DAB1: variants seen among roughly 807,000 people sequenced by gnomAD.
DAB1 encodes the protein DAB adaptor protein 1.
Under a neutral mutation model 64.6 loss-of-function variants are expected in DAB1, and 15 were observed. That is an observed-to-expected ratio of 0.23 (90% CI 0.16 to 0.36). DAB1 has a LOEUF of 0.36. Among genes scored for constraint, DAB1 ranks in the 10% least tolerant of loss-of-function variants. DAB1 has a pLI of 1.00. For synonymous variants in DAB1, 235 were observed against 251.9 expected (o/e 0.93, Z 0.64); for missense variants, 596 against 706.7 (o/e 0.84, Z 1.78).
At chr1:58,112,550 T>C (rs1173867126) in intron 5 of DAB1, among the ~76,000 whole-genome samples, 3 of 152,148 alleles carry the variant, frequency 2.0e-5, no homozygotes, top group African/African-American at 4.8e-5. Flanking sequence ...ACCTCAAAGA[T>C]GCATATCAAA....
intron 3 of DAB1, among the ~76,000 whole-genome samples, chr1:57,138,317 G>A (rs780736084): frequency 3.0e-4 from 46 of 152,204 alleles, no homozygotes; most frequent in Non-Finnish European, 4.4e-4. Context: ...GTAGTAGACC[G>A]TCCTGAGACA....
chr1:58,001,792 T>A (rs1646511042), intron 5 of DAB1, among the ~76,000 whole-genome samples: 1 of 152,154 alleles, frequency 6.6e-6, no homozygotes, highest in Non-Finnish European at 1.5e-5. Context: ...ATGTTATCTT[T>A]TTAGGAAAAA....
chr1:57,811,967 C>A (rs182796998), intron 6 of DAB1, among the ~76,000 whole-genome samples: 17 of 152,228 alleles, frequency 1.1e-4, no homozygotes, highest in African/African-American at 4.1e-4. Context: ...GGACTTCAGG[C>A]AGAAGAACAT....
intron 6 of DAB1, among the ~76,000 whole-genome samples, chr1:57,767,510 T>C (rs1023381801): frequency 1.3e-5 from 2 of 152,188 alleles, no homozygotes; most frequent in African/African-American, 4.8e-5. Context: ...ATGTCTCTTA[T>C]CTCTACAGTG....
chr1:57,536,520 A>G (rs548492572), intron 7 of DAB1, among the ~76,000 whole-genome samples: 77 of 152,282 alleles, frequency 5.1e-4, no homozygotes, highest in Non-Finnish European at 1.0e-3. Context: ...GTTCCCAACA[A>G]AAAGAGGCCC....
chr1:57,314,785 C>A (rs1484282629), intron 1 of DAB1, among the ~76,000 whole-genome samples: 2 of 150,218 alleles, frequency 1.3e-5, no homozygotes, highest in East Asian at 3.9e-4. Context: ...CACACACACA[C>A]AAAGAAAGGG....
chr1:57,706,015 T>C (rs139356915), intron 6 of DAB1, among the ~76,000 whole-genome samples: 1,659 of 151,772 alleles, frequency 0.011, 25 homozygotes, highest in African/African-American at 0.038. Flanking sequence ...TTAAGGTATA[T>C]AGCTTAAATT....
chr1:57,254,507 C>T (rs1314885037), intron 2 of DAB1, among the ~76,000 whole-genome samples: 1 of 152,100 alleles, frequency 6.6e-6, no homozygotes, highest in Admixed American at 6.6e-5. Flanking sequence ...CACGAAACAA[C>T]AGGGCTTCTT....
intron 6 of DAB1, among the ~76,000 whole-genome samples, chr1:57,654,331 C>A (rs1646291156): frequency 6.6e-6 from 1 of 152,128 alleles, no homozygotes; most frequent in Non-Finnish European, 1.5e-5. Flanking sequence ...ATGGGAGTTC[C>A]ATTTTAAAGG....
At chr1:57,688,002 G>A (rs1646721375) in intron 6 of DAB1, among the ~76,000 whole-genome samples, 1 of 152,094 alleles carries the variant, frequency 6.6e-6, no homozygotes, top group Non-Finnish European at 1.5e-5. Flanking sequence ...CATTGGCCTT[G>A]ACAAATAATT....
chr1:57,349,017 A>G (rs1678355112), intron 1 of DAB1, among the ~76,000 whole-genome samples: 1 of 152,152 alleles, frequency 6.6e-6, no homozygotes, highest in South Asian at 2.1e-4. Context: ...CCAACTGGCA[A>G]TGGAACAAAA....
intron 1 of DAB1, among the ~76,000 whole-genome samples, chr1:57,314,834 C>G (rs181456918): frequency 1.9e-3 from 287 of 151,774 alleles, no homozygotes; most frequent in Non-Finnish European, 3.5e-3. Context: ...AACAGGTACA[C>G]AGACGGGAAG....
At chr1:57,068,377 A>G (rs768348870) in intron 8 of DAB1, among the ~76,000 whole-genome samples, 1 of 152,232 alleles carries the variant, frequency 6.6e-6, no homozygotes, top group African/African-American at 2.4e-5. Flanking sequence ...ATATTATTCA[A>G]CAAGGCTGAC....
chr1:57,240,858 A>G (rs1023090427), intron 2 of DAB1, among the ~76,000 whole-genome samples: 1 of 152,184 alleles, frequency 6.6e-6, no homozygotes, highest in South Asian at 2.1e-4. Flanking sequence ...TTGGTTAATT[A>G]TATTAACCTT....
chr1:58,056,472 C>G (rs267598676), intron 5 of DAB1: 2 of 1,437,192 alleles, frequency 1.4e-6, no homozygotes, highest in Admixed American at 1.7e-5. Flanking sequence ...TCCTTCTTTT[C>G]TTTGTCATCT....
At chr1:57,030,247 C>T (rs1646925990) in intron 9 of DAB1, among the ~76,000 whole-genome samples, 1 of 152,208 alleles carries the variant, frequency 6.6e-6, no homozygotes, top group Non-Finnish European at 1.5e-5. Context: ...TGCCCTTTGC[C>T]TTCTGCCTCT....
chr1:57,790,471 A>C (rs1390908936), intron 6 of DAB1, among the ~76,000 whole-genome samples: 1 of 152,138 alleles, frequency 6.6e-6, no homozygotes, highest in Non-Finnish European at 1.5e-5. Context: ...CCCAGTCTCA[A>C]GTATTTCTTC....
chr1:57,788,540 C>A (rs559988370), intron 6 of DAB1, among the ~76,000 whole-genome samples: 1 of 152,214 alleles, frequency 6.6e-6, no homozygotes, highest in South Asian at 2.1e-4. Flanking sequence ...GAGCACTAAC[C>A]ACAAAGAAGT....
chr1:57,980,207 C>A (rs1212581878), intron 5 of DAB1, among the ~76,000 whole-genome samples: 1 of 152,100 alleles, frequency 6.6e-6, no homozygotes, highest in Non-Finnish European at 1.5e-5. Flanking sequence ...CAACTCCAAC[C>A]ACTACCACAC....
Sources: allele counts gnomAD v4.1 joint callset (sites outside exome capture counted in the v4.1 genomes callset), GRCh38; gene constraint gnomAD v4.1.1; transcripts MANE v1.5; gene names NCBI Gene and HGNC (gene_info 2026-07-23, HGNC 2026-07-21).